PRDM10: variants seen among roughly 807,000 people sequenced by gnomAD.
PRDM10 encodes the protein PR domain zinc finger protein 10.
A neutral mutation model predicts 133.1 loss-of-function variants in PRDM10; 65 were observed. The observed-to-expected ratio is 0.49, with a 90% confidence interval of 0.40 to 0.60. PRDM10 has a LOEUF of 0.60. PRDM10 is among the 20% of genes least tolerant of loss of function. The pLI is 0.00. For synonymous variants in PRDM10, 582 were observed against 580.4 expected (o/e 1.00, Z -0.04); for missense variants, 1,137 against 1,507.1 (o/e 0.75, Z 4.07).
intron 2 of PRDM10, among the ~76,000 whole-genome samples, chr11:129,959,118 A>G (rs531938244): frequency 1.3e-5 from 2 of 152,210 alleles, no homozygotes; most frequent in Admixed American, 1.3e-4. Context: ...TTTTAATGTC[A>G]GTTTTCTCTA....
chr11:129,972,042 AC>A (rs998673848), intron 1 of PRDM10, among the ~76,000 whole-genome samples: 5 of 152,014 alleles, frequency 3.3e-5, no homozygotes, highest in Admixed American at 6.5e-5. Flanking sequence ...GACCCAGTAC[AC>A]CCTCCGCAGC....
chr11:129,950,968 C>T (rs1591653578), intron 4 of PRDM10, among the ~76,000 whole-genome samples: 1 of 152,158 alleles, frequency 6.6e-6, no homozygotes, highest in East Asian at 1.9e-4. Flanking sequence ...CAGACTGTGG[C>T]AAAAGGAAAT....
intron 6 of PRDM10, 100 bp downstream of exon 6, chr11:129,944,671 C>A: frequency 6.8e-7 from 1 of 1,468,302 alleles, no homozygotes; most frequent in Non-Finnish European, 9.2e-7. Context: ...TACTAGCAAA[C>A]AACTGCTAAG....
chr11:129,924,563 C>T (rs1950618142), intron 12 of PRDM10, among the ~76,000 whole-genome samples: 1 of 152,144 alleles, frequency 6.6e-6, no homozygotes, highest in Admixed American at 6.5e-5. Flanking sequence ...GGGAGTATGT[C>T]TTCTACAGGC....
At chr11:129,954,271 T>A (rs1461660610) in intron 4 of PRDM10, among the ~76,000 whole-genome samples, 1 of 151,054 alleles carries the variant, frequency 6.6e-6, no homozygotes, top group Non-Finnish European at 1.5e-5. Context: ...TATTTATTTT[T>A]TTTTTTTTTG....
chr11:129,957,469 C>G (rs1043092904), intron 3 of PRDM10, among the ~76,000 whole-genome samples: 35 of 152,300 alleles, frequency 2.3e-4, no homozygotes, highest in African/African-American at 7.5e-4. Flanking sequence ...AGGTGCCCAC[C>G]ACCACGCCCA....
At chr11:129,937,574 T>C (rs376551944) in intron 8 of PRDM10, 24 bp downstream of exon 8, 1 of 1,599,540 alleles carries the variant, frequency 6.3e-7, no homozygotes, top group African/African-American at 1.4e-5. Flanking sequence ...ATATAGAAAA[T>C]GTAAAACATA....
In PRDM10 at chr11:129,922,041, C is replaced by T. The variant is rs188052175; in HGVS notation, c.2034+1207G>A. On this transcript the variant is annotated intron_variant, in intron 13 of 20. Transcript: ENST00000360871. ...CTTCTGTGGGCATACTGCTGACTTCCGACCTCCCAGCTTCTCCCTTCAACC... is the reference window on the plus strand; with the variant it reads ...CTTCTGTGGGCATACTGCTGACTTCTGACCTCCCAGCTTCTCCCTTCAACC... Among the ~76,000 whole-genome samples, 229 of 152,186 alleles carry T rather than the reference C, an allele frequency of 1.5e-3. 2 individuals carry two copies. The highest frequency in any genetic ancestry group is 6.8e-3 in the East Asian group (35 of 5,178).
intron 20 of PRDM10, among the ~76,000 whole-genome samples, chr11:129,903,629 C>A (rs1650817): frequency 0.55 from 84,277 of 151,976 alleles, 24,544 homozygotes; most frequent in African/African-American, 0.74. Flanking sequence ...TCAGCTACAG[C>A]ACAGAGGAAG....
rs781165086 is a variant in PRDM10, at chr11:129,902,421, A to T, written c.3363T>A (p.Ser1121Arg). ...GGVQVEPPAH[S>R]DSLDPQTNSQ... ...TGTTGGTCTGGGGGTCCAGGGAGTC[A>T]CTGTGTGCAGGTGGCTCGACCTGGA... The change falls in exon 21 of 21, where the codon AGT becomes AGA. Residue 1121 changes from serine to arginine, a missense_variant. Physicochemically the swap from Ser to Arg is moderately radical, Grantham distance 110 (BLOSUM62 -1). Around this residue, in one of 6 missense-constraint regions of PRDM10, gnomAD observed 243 missense variants for 259.2 expected, o/e 0.94. Coordinates refer to ENST00000360871, the MANE Select transcript of PRDM10 (RefSeq NM_199437.2). 1 of 1,614,154 alleles carries T rather than the reference A, an allele frequency of 6.2e-7. No homozygotes were observed. The highest frequency in any genetic ancestry group is 8.5e-7 in the Non-Finnish European group (1 of 1,180,020).
chr11:129,905,349 AAG>A (rs1949979337), intron 20 of PRDM10, among the ~76,000 whole-genome samples: 1 of 145,588 alleles, frequency 6.9e-6, no homozygotes, highest in Non-Finnish European at 1.5e-5. Context: ...GCGACACAGC[AAG>A]ACTCTGTCTC....
chr11:129,910,622 T>C lies in PRDM10; in HGVS notation c.3017A>G (p.Gln1006Arg), dbSNP rs767912080. The part of the protein sequence containing the change: ...SGQPLSPSAQ[Q>R]AQQGLSPSHI... ...GGAGGGGCTGAGCCCCTGCTGAGCC[T>C]GCTGGGCTGAGGGACTCAACGGCTG... Residue 1006 changes from glutamine to arginine, a missense_variant, in exon 19 of 21, where the codon CAG becomes CGG. Gln to Arg is a conservative substitution (Grantham distance 43). Transcript: ENST00000360871. 6.9e-6 allele frequency: 11 copies of C among 1,605,534 alleles called. No homozygotes were observed. In the African/African-American group the frequency reaches 8.0e-5, roughly 12 times the overall value.
At chr11:129,924,545 T>C (rs1486465862) in intron 12 of PRDM10, among the ~76,000 whole-genome samples, 3 of 152,192 alleles carry the variant, frequency 2.0e-5, no homozygotes, top group African/African-American at 7.2e-5. Flanking sequence ...TCCCAGCCCC[T>C]CAGAAACGGG....
intron 17 of PRDM10, 23 bp from the exon 18 acceptor site, chr11:129,912,248 C>A: frequency 6.7e-7 from 1 of 1,502,016 alleles, no homozygotes; most frequent in Non-Finnish European, 9.0e-7. Context: ...AAAACAGGCC[C>A]AGAAACCAGA....
chr11:129,935,444 G>A (rs1405106778), intron 8 of PRDM10, among the ~76,000 whole-genome samples: 1 of 152,030 alleles, frequency 6.6e-6, no homozygotes, highest in Non-Finnish European at 1.5e-5. Context: ...GACATCAAAG[G>A]AACAAGTACC....
chr11:129,915,008 A>C lies in PRDM10; in HGVS notation c.2537T>G (p.Val846Gly). 1.3e-6 allele frequency: 2 copies of C among 1,595,314 alleles called. No homozygotes were observed. The highest frequency in any genetic ancestry group is 1.7e-6 in the Non-Finnish European group (2 of 1,164,898). The stretch of plus-strand genomic sequence containing the variant: ...TGGATGCTTCTTTCGAATGTGCTGG[A>C]CCATCTTGGTCTGAAAAAGCAAGGC... ...SKQYSSKTKM[V>G]QHIRKKHPEF... Residue 846 changes from valine (V) to glycine (G), a missense_variant, in exon 17 of 21, where the codon GTC (valine) becomes GGC (glycine). By Grantham distance (109) the Val-to-Gly change is moderately radical. Transcript: ENST00000360871.
Position 129,918,395 on chromosome 11 carries a change from G to A in PRDM10, c.2214+144C>T, listed in dbSNP as rs1000697831. ...AAGACAGAACTCCAAATTGGGAATC[G>A]TTTGCCTCTGTTTCTTCCCCTGGAC... On this transcript the variant is annotated intron_variant, in intron 14 of 20. Coordinates refer to ENST00000360871, the MANE Select transcript of PRDM10 (RefSeq NM_199437.2). The surrounding 1 kb of genome is among the most constrained non-coding windows in gnomAD (Gnocchi z 5.3). 8 of 986,788 alleles carry A rather than the reference G, an allele frequency of 8.1e-6. No individual in the cohort carries two copies. Among genetic ancestry groups the A allele is most frequent in the African/African-American group, 1.7e-5 (1 of 59,532 alleles). 61.1% of individuals were successfully genotyped at this position (986,788 alleles called of 1,614,324 possible). A position where few individuals can be genotyped will look rare whatever the true frequency, so the allele number is the denominator to read the frequency against.
intron 1 of PRDM10, among the ~76,000 whole-genome samples, chr11:129,968,681 C>G (rs1171318003): frequency 6.6e-6 from 1 of 151,922 alleles, no homozygotes; most frequent in East Asian, 1.9e-4. Flanking sequence ...CCAGAACCCC[C>G]CAGGACGTAG....
chr11:129,907,491 G>A (rs1591567924), intron 19 of PRDM10, among the ~76,000 whole-genome samples: 1 of 152,016 alleles, frequency 6.6e-6, no homozygotes, highest in Non-Finnish European at 1.5e-5. Context: ...CACAACCTTC[G>A]CCTCCTGGAT....
Sources: gnomAD v4.1 joint callset for allele counts (sites outside exome capture counted in the v4.1 genomes callset) on GRCh38, gnomAD v4.1.1 for gene constraint, gnomAD v4.1.1 regional missense constraint, Gnocchi (gnomAD v3.1) non-coding constraint, MANE v1.5 for transcripts, NCBI Gene and HGNC (gene_info 2026-07-23, HGNC 2026-07-21) for gene names.